The following DMD variants were observed in gnomAD, a reference collection of about 807,000 sequenced individuals.
The protein encoded by DMD is mutant dystrophin.
Under a neutral mutation model 330.1 loss-of-function variants are expected in DMD, and 63 were observed. The observed-to-expected ratio is 0.19, with a 90% CI of 0.16 to 0.24. The LOEUF (loss-of-function observed/expected upper bound fraction) is 0.24. DMD is among the 10% of genes least tolerant of loss of function. DMD has a pLI of 1.00. For missense variants in DMD, 3,344 were observed against 2,684.1 expected (o/e 1.25, Z -5.43); for synonymous variants, 1,223 against 959.8 (o/e 1.27, Z -5.07).
intron 15 of DMD, among the ~76,000 whole-genome samples, chrX:32,568,536 A>G (rs2052024377): frequency 9.0e-6 from 1 of 110,805 alleles, no homozygotes; most frequent in Non-Finnish European, 1.9e-5. Context: ...AATTAGGAAA[A>G]AAGTGCACTC....
At chrX:32,613,294 G>A (rs1602158329) in intron 12 of DMD, among the ~76,000 whole-genome samples, 1 of 111,205 alleles carries the variant, frequency 9.0e-6, no homozygotes, top group Non-Finnish European at 1.9e-5. Context: ...TCTTGTGTGT[G>A]TGTGTGTTTC....
intron 1 of DMD, among the ~76,000 whole-genome samples, chrX:33,332,661 A>G (rs1428117969): frequency 9.0e-6 from 1 of 111,716 alleles, no homozygotes; most frequent in African/African-American, 3.2e-5. Flanking sequence ...CCTTTCTAAA[A>G]CAATTCAAAT....
intron 1 of DMD, among the ~76,000 whole-genome samples, chrX:33,162,206 G>A (rs1027347663): frequency 1.8e-5 from 2 of 112,118 alleles, no homozygotes; most frequent in Non-Finnish European, 3.8e-5. Context: ...GGCACAGATG[G>A]TTTTGTAGAA....
intron 48 of DMD, among the ~76,000 whole-genome samples, chrX:31,852,001 AT>A (rs2149558912): frequency 9.0e-6 from 1 of 110,892 alleles, no homozygotes; most frequent in East Asian, 2.9e-4. Context: ...TGTATGTTCA[AT>A]TAAAAAAAAA....
intron 1 of DMD, among the ~76,000 whole-genome samples, chrX:33,315,769 A>G (rs1448630536): frequency 8.9e-6 from 1 of 111,940 alleles, no homozygotes; most frequent in East Asian, 2.8e-4. Context: ...TTCGCCATAT[A>G]AGGCAACATA....
intron 63 of DMD, among the ~76,000 whole-genome samples, chrX:31,240,903 A>G (rs1010458979): frequency 3.6e-5 from 4 of 111,570 alleles, no homozygotes; most frequent in South Asian, 7.5e-4. Flanking sequence ...TGGTCTCCCA[A>G]TAAGCTTGGT....
At chrX:32,085,380 T>C (rs949739186) in intron 44 of DMD, among the ~76,000 whole-genome samples, 5 of 109,602 alleles carry the variant, frequency 4.6e-5, no homozygotes, top group Non-Finnish European at 7.6e-5. Flanking sequence ...GGATTTTTAG[T>C]GTATCCATCA....
intron 65 of DMD, among the ~76,000 whole-genome samples, chrX:31,207,156 T>C (rs1251576291): frequency 1.8e-5 from 2 of 111,549 alleles, no homozygotes; most frequent in African/African-American, 6.5e-5. Flanking sequence ...TTGCCCCTTA[T>C]TGAAAGAAAA....
intron 29 of DMD, among the ~76,000 whole-genome samples, chrX:32,415,493 C>T (rs1226375454): frequency 4.5e-5 from 5 of 112,194 alleles, no homozygotes; most frequent in Non-Finnish European, 1.9e-5. Context: ...TCTGATTAGG[C>T]GCACCCTGAT....
rs763788439 is a variant in DMD, at chrX:32,709,282, G to C, written c.650-9989C>G. 4.5e-5 allele frequency among the ~76,000 whole-genome samples: 5 copies of C among 111,964 alleles called. No individual in the cohort carries two copies. The East Asian group carries it at 1.1e-3, about 25-fold the overall frequency. On this transcript the variant is annotated intron_variant, in intron 7 of 78. Transcript: ENST00000357033. ...GAAGCATTGATGGAGAAAGGTACAA[G>C]TGAAAAAGAGAGTAAGCATCCAAAA... is the stretch of plus-strand genomic sequence containing the variant.
chrX:32,886,624 A>C (rs1473135184), intron 2 of DMD, among the ~76,000 whole-genome samples: 1 of 110,796 alleles, frequency 9.0e-6, no homozygotes, highest in East Asian at 2.9e-4. Context: ...CGAAGCTTGC[A>C]GTGAGCCGAG....
At chrX:31,134,399 T>C (rs765836856) in intron 76 of DMD, among the ~76,000 whole-genome samples, 2 of 100,257 alleles carry the variant, frequency 2.0e-5, no homozygotes, top group East Asian at 3.1e-4. Context: ...TCATTACCCT[T>C]GGAGAAAAAA....
intron 60 of DMD, among the ~76,000 whole-genome samples, chrX:31,349,690 T>C (rs1483677633): frequency 8.9e-6 from 1 of 111,824 alleles, no homozygotes; most frequent in Non-Finnish European, 1.9e-5. Context: ...ACGGGTGACA[T>C]GCTATACTTA....
chrX:32,941,712 T>G (rs935420404), intron 2 of DMD, among the ~76,000 whole-genome samples: 33 of 110,896 alleles, frequency 3.0e-4, no homozygotes, highest in African/African-American at 1.1e-3. Flanking sequence ...CTATACTCAG[T>G]ACCTGGGTGA....
rs185204570 is a variant in DMD at position 31,653,458 on chromosome X, C to T, written c.8027+4532G>A. Among the ~76,000 whole-genome samples, 571 of 110,644 alleles carry T rather than the reference C, an allele frequency of 5.2e-3. 6 individuals are homozygous for T. Among genetic ancestry groups the T allele is most frequent in the Non-Finnish European group, 5.1e-3 (268 of 52,794 alleles). ...AGTATCTGGGAGCTTAGCTAAGGAA[C>T]TTCTAGGCATGTTTAACCCTCTGAT... On this transcript the variant is annotated intron_variant, in intron 54 of 78. Coordinates refer to ENST00000357033, the MANE Select transcript of DMD (RefSeq NM_004006.3).
intron 1 of DMD, among the ~76,000 whole-genome samples, chrX:33,246,873 A>T (rs892314823): frequency 9.1e-6 from 1 of 109,626 alleles, no homozygotes; most frequent in African/African-American, 3.3e-5. Context: ...TTTAGTAGAG[A>T]CGGGGCTTCA....
At chrX:32,781,026 G>C (rs1443384298) in intron 7 of DMD, among the ~76,000 whole-genome samples, 2 of 108,717 alleles carry the variant, frequency 1.8e-5, no homozygotes, top group African/African-American at 3.4e-5. Context: ...GCTGAGGCAG[G>C]AGAATAGCGT....
intron 47 of DMD, among the ~76,000 whole-genome samples, chrX:31,908,808 T>C (rs2094510785): frequency 9.0e-6 from 1 of 111,103 alleles, no homozygotes; most frequent in Non-Finnish European, 1.9e-5. Context: ...GGTATTGATC[T>C]ATCAACTGCT....
At chrX:32,413,179 A>G (rs1483514977) in intron 29 of DMD, among the ~76,000 whole-genome samples, 2 of 110,720 alleles carry the variant, frequency 1.8e-5, no homozygotes, top group African/African-American at 6.6e-5. Flanking sequence ...TCTCAAGTCC[A>G]GATCTCCCCT....
Sources: allele counts gnomAD v4.1 joint callset (sites outside exome capture counted in the v4.1 genomes callset), GRCh38; gene constraint gnomAD v4.1.1; transcripts MANE v1.5; gene names NCBI Gene and HGNC (gene_info 2026-07-23, HGNC 2026-07-21).